Variants in ULK3 observed in about 807,000 individuals in gnomAD.
ULK3 encodes the protein serine/threonine-protein kinase ULK3.
ULK3 carries 54 observed loss-of-function variants against 69.4 expected under a neutral mutation model. The observed-to-expected ratio is 0.78, with a 90% CI of 0.63 to 0.98. ULK3 has a LOEUF of 0.98. Ranked by LOEUF, ULK3 falls within the 50% of genes least tolerant of loss-of-function variation. The pLI, the probability that ULK3 is intolerant of heterozygous loss-of-function variation, is 0.00. For missense variants in ULK3, 558 were observed against 627.7 expected, an observed-to-expected ratio of 0.89 and a Z score of 1.19; for synonymous variants, 240 against 254.5, an observed-to-expected ratio of 0.94 and a Z score of 0.54.
chr15:74,842,444 C>G lies in ULK3; in HGVS notation c.103-24G>C. 6 of 1,613,720 alleles carry G rather than the reference C, an allele frequency of 3.7e-6. No homozygotes were observed. Among genetic ancestry groups the G allele is most frequent in the Non-Finnish European group, 5.1e-6 (6 of 1,179,888 alleles). ...TTCTGCGAGACAGGAGATTTGGGGACTCTGCCTTGAGGGGGCCAGGACCCT... is the reference window on the plus strand; with the variant it reads ...TTCTGCGAGACAGGAGATTTGGGGAGTCTGCCTTGAGGGGGCCAGGACCCT... On this transcript the variant is annotated intron_variant, in intron 1 of 15. Transcript: ENST00000440863. The surrounding 1 kb of genome is among the most constrained non-coding windows in gnomAD (Gnocchi z 4.9).
chr15:74,838,887 A>G (rs2141138492), intron 9 of ULK3, 123 bp downstream of exon 9: 1 of 1,442,386 alleles, frequency 6.9e-7, no homozygotes, highest in Non-Finnish European at 9.5e-7. Context: ...GGCCTGACCC[A>G]TTCCCAGCTC....
rs2064243618 is a variant in ULK3, at chr15:74,841,444, G to C, written c.430C>G (p.Leu144Val). ...TGGGGCTTCTCCAAGGAGCTCAGTA[G>C]AATGTTCTGTGGCTTCAGATCCAGG... ...SHLDLKPQNILLSSLEKPHLK... is the reference protein window; with the variant it reads ...SHLDLKPQNIVLSSLEKPHLK... The change falls in exon 4 of 16, where the codon CTA becomes GTA. Residue 144 changes from leucine to valine, a missense_variant. Transcript: ENST00000440863. 6.2e-7 allele frequency: 1 copy of C among 1,613,946 alleles called. No individual in the cohort carries two copies. Among genetic ancestry groups the C allele is most frequent in the Non-Finnish European group, 8.5e-7 (1 of 1,179,864 alleles).
intron 8 of ULK3, 26 bp downstream of exon 8, chr15:74,839,242 G>A: frequency 1.3e-6 from 2 of 1,550,726 alleles, no homozygotes; most frequent in Non-Finnish European, 1.7e-6. Context: ...TGCACCCACG[G>A]GCTTCAGGCA....
At chr15:74,841,264 G>T (rs2064235007) in intron 4 of ULK3, 141 bp downstream of exon 4, 1 of 635,694 alleles carries the variant, frequency 1.6e-6, no homozygotes, top group South Asian at 2.3e-5. Context: ...TGATGACAGG[G>T]CCCAACCCCA....
intron 15 of ULK3, 50 bp from the exon 16 acceptor site, chr15:74,837,294 T>A: frequency 1.3e-5 from 21 of 1,611,074 alleles, no homozygotes; most frequent in Non-Finnish European, 1.7e-5. Flanking sequence ...AGGTCTTTGG[T>A]AAGGGAGGCA....
chr15:74,839,748 T>G lies in ULK3; in HGVS notation c.697-35A>C, dbSNP rs745559154. ...AGGGAACGGCAGGGACAGATCACAC[T>G]GGGCTCCTCCACCCCTACCCCTAGC... On this transcript the variant is annotated intron_variant, in intron 6 of 15. Coordinates refer to ENST00000440863, the MANE Select transcript of ULK3 (RefSeq NM_001099436.4). 3.0e-5 allele frequency: 45 copies of G among 1,494,386 alleles called. No homozygotes were observed. The East Asian group carries it at 1.1e-3, about 36-fold the overall frequency. The allele number at this position is 1,494,386 out of a possible 1,614,324, so 92.6% of individuals were successfully genotyped here.
Position 74,842,671 on chromosome 15 carries a change from C to A in ULK3, c.103-251G>T. The A allele has an allele frequency of 2.6e-6, 4 of 1,535,670 alleles. No homozygotes were observed. Among genetic ancestry groups the A allele is most frequent in the Non-Finnish European group, 3.5e-6 (4 of 1,146,804 alleles). ...CTCGGCTAGCTGATCCATTTCTTTG[C>A]ATTCTGGAGTGCTCCCGGCAGAGGC... On this transcript the variant is annotated intron_variant, in intron 1 of 15. Transcript: ENST00000440863. The surrounding 1 kb of genome is among the most constrained non-coding windows in gnomAD (Gnocchi z 4.9).
rs780277729 is a variant in ULK3 at position 74,837,356 on chromosome 15, G to A, written c.1402+13C>T. On this transcript the variant is annotated intron_variant, in intron 15 of 15. Coordinates refer to ENST00000440863, the MANE Select transcript of ULK3 (RefSeq NM_001099436.4). Reference sequence around the variant, plus strand: ...CTCCTTGGATGGAGGATCGACCCCAGGGCAGGACTCACAGCTACGAACAGA... The same window carrying A: ...CTCCTTGGATGGAGGATCGACCCCAAGGCAGGACTCACAGCTACGAACAGA... 88 of 1,613,004 alleles carry A rather than the reference G, an allele frequency of 5.5e-5. No homozygotes were observed. The Admixed American group carries it at 1.3e-3, about 24-fold the overall frequency.
At chr15:74,839,101 C>A in intron 8 of ULK3, 51 bp from the exon 9 acceptor site, 2 of 1,573,032 alleles carry the variant, frequency 1.3e-6, no homozygotes, top group East Asian at 2.3e-5. Flanking sequence ...CTCCCTGCCC[C>A]ACAACGAACC....
At position 74,838,678 on chromosome 15, in the gene ULK3, A is replaced by C. The variant is rs780377315; in HGVS notation, c.1067T>G (p.Leu356Arg). 5.0e-6 allele frequency: 8 copies of C among 1,612,680 alleles called. No homozygotes were observed. The highest frequency in any genetic ancestry group is 3.3e-5 in the Admixed American group (2 of 59,898). The part of the protein sequence containing the change: ...AIVSSSNQAL[L>R]RQGTSARDLL... ...GTCTCGGGCAGAGGTCCCCTGCCTC[A>C]GCAGGGCCTGATTGGAAGAGGAGAC... Residue 356 changes from leucine to arginine, a missense_variant, in exon 10 of 16, where the codon CTG becomes CGG. Coordinates refer to ENST00000440863, the MANE Select transcript of ULK3 (RefSeq NM_001099436.4).
In ULK3 at chr15:74,839,283, C is replaced by T; in HGVS notation, c.943G>A (p.Val315Ile). 6 of 1,559,714 alleles carry T rather than the reference C, an allele frequency of 3.8e-6. No homozygotes were observed. Among genetic ancestry groups the T allele is most frequent in the Non-Finnish European group, 5.2e-6 (6 of 1,151,418 alleles). Residue 315 changes from valine to isoleucine, a missense_variant, in exon 8 of 16, where the codon GTA becomes ATA. Transcript: ENST00000440863. ...TGGGACTCACAGTGCAGGGCAGGTA[C>T]AAAGAAGTCCAGAGCCTTGCAGTAG... ...SLYCKALDFF[V>I]PALHYEVDAQ...
At chr15:74,840,662 A>C in intron 4 of ULK3, 21 bp from the exon 5 acceptor site, 1 of 1,537,670 alleles carries the variant, frequency 6.5e-7, no homozygotes, top group Non-Finnish European at 8.7e-7. Flanking sequence ...GAGGAGAGGC[A>C]GCAGGGCTTG....
chr15:74,839,461 T>C (rs960222720), intron 7 of ULK3, 88 bp from the exon 8 acceptor site: 142 of 1,540,632 alleles, frequency 9.2e-5, no homozygotes, highest in Non-Finnish European at 1.2e-4. Flanking sequence ...GAGCCCGCCC[T>C]CTGTCTCTGT....
intron 6 of ULK3, 55 bp from the exon 7 acceptor site, chr15:74,839,768 C>T (rs2064177892): frequency 1.4e-6 from 2 of 1,470,372 alleles, no homozygotes; most frequent in Non-Finnish European, 1.8e-6. Context: ...CACCCCTACC[C>T]CTAGCCCAGG....
rs1310899296 is a variant in ULK3, at chr15:74,842,702, A to T, written c.103-282T>A. On this transcript the variant is annotated intron_variant, in intron 1 of 15. Coordinates refer to ENST00000440863, the MANE Select transcript of ULK3 (RefSeq NM_001099436.4). This position sits in a 1 kb window ranked among gnomAD's most constrained non-coding sequence, Gnocchi z 4.9. Reference sequence around the variant, plus strand: ...GGAGTGCTCCCGGCAGAGGCATGTCACTCAGGGTTCTAGAACCGCCCACTC... The same window carrying T: ...GGAGTGCTCCCGGCAGAGGCATGTCTCTCAGGGTTCTAGAACCGCCCACTC... 5 of 1,533,288 alleles carry T rather than the reference A, an allele frequency of 3.3e-6. No homozygotes were observed. The highest frequency in any genetic ancestry group is 3.5e-6 in the Non-Finnish European group (4 of 1,145,134). The allele number at this position is 1,533,288 out of a possible 1,614,324, so 95.0% of individuals were successfully genotyped here.
chr15:74,840,473 G>T, intron 5 of ULK3, 25 bp downstream of exon 5: 2 of 1,594,378 alleles, frequency 1.3e-6, no homozygotes, highest in Non-Finnish European at 1.7e-6. Context: ...GCCTCAGGGT[G>T]AGAAGCAGGG....
chr15:74,837,900 C>T, intron 13 of ULK3, 102 bp from the exon 14 acceptor site: 1 of 1,305,604 alleles, frequency 7.7e-7, no homozygotes, highest in South Asian at 1.3e-5. Context: ...GAACCCTCTG[C>T]CCCATCAGAA....
intron 8 of ULK3, 26 bp downstream of exon 8, chr15:74,839,242 G>C (rs1233805888): frequency 1.3e-6 from 2 of 1,550,726 alleles, no homozygotes; most frequent in Admixed American, 3.9e-5. Flanking sequence ...TGCACCCACG[G>C]GCTTCAGGCA....
In ULK3 at chr15:74,839,608, G is replaced by C. The variant is rs754444795; in HGVS notation, c.802C>G (p.Pro268Ala). The C allele has an allele frequency of 6.4e-7, 1 of 1,563,612 alleles. No homozygotes were observed. Among genetic ancestry groups the C allele is most frequent in the Non-Finnish European group, 8.7e-7 (1 of 1,155,276 alleles). The part of the protein sequence containing the change: ...RISFQDFFAH[P>A]WVDLEHMPSG... ...GGCATGTGCTCCAGGTCCACCCAGG[G>C]GTGCGCAAAAAAGTCCTGGAAGGAG... The change falls in exon 7 of 16, where the codon CCC becomes GCC. Residue 268 changes from proline (P) to alanine (A), a missense_variant. Pro to Ala is a conservative substitution (Grantham distance 27). Transcript: ENST00000440863.
Sources: gnomAD v4.1 joint callset for allele counts on GRCh38, gnomAD v4.1.1 for gene constraint, Gnocchi (gnomAD v3.1) non-coding constraint, MANE v1.5 for transcripts, NCBI Gene and HGNC (gene_info 2026-07-23, HGNC 2026-07-21) for gene names.